Variants in FBN2 observed in about 807,000 individuals in gnomAD.
FBN2 encodes the protein fibrillin 2, also known as fibrillin-2.
A neutral mutation model predicts 355.6 loss-of-function variants in FBN2; 105 were observed. The ratio of observed to expected loss-of-function variants is 0.30; its 90% CI spans 0.25 to 0.35. The LOEUF (loss-of-function observed/expected upper bound fraction) is 0.35. Ranked by LOEUF, FBN2 falls within the 10% of genes least tolerant of loss-of-function variation. The pLI, the probability that FBN2 is intolerant of heterozygous loss-of-function variation, is 1.00. For synonymous variants in FBN2, 1,350 were observed against 1,301.2 expected (o/e 1.04, Z -0.81); for missense variants, 3,280 against 3,758.7 (o/e 0.87, Z 3.33).
chr5:128,382,623 T>C (rs1752261593), intron 11 of FBN2, among the ~76,000 whole-genome samples: 1 of 152,060 alleles, frequency 6.6e-6, no homozygotes, highest in Non-Finnish European at 1.5e-5. Flanking sequence ...CAACAACTAT[T>C]TCCTCCCAAT....
At chr5:128,303,311 G>C (rs1395084639) in intron 45 of FBN2, among the ~76,000 whole-genome samples, 1 of 152,120 alleles carries the variant, frequency 6.6e-6, no homozygotes, top group African/African-American at 2.4e-5. Flanking sequence ...AACAGGTACT[G>C]ACTGTACTCA....
chr5:128,498,758 T>G (rs1025489737), intron 5 of FBN2, among the ~76,000 whole-genome samples: 1 of 152,206 alleles, frequency 6.6e-6, no homozygotes, highest in Admixed American at 6.5e-5. Flanking sequence ...ACTTAAAAAG[T>G]GTGCAGGGTT....
At position 128,278,717 on chromosome 5, in the gene FBN2, C is replaced by G; in HGVS notation, c.7263G>C (p.Gln2421His). Residue 2421 changes from glutamine to histidine, a missense_variant, in exon 57 of 65, where the codon CAG (glutamine) becomes CAC (histidine). Physicochemically the swap from Gln to His is conservative, Grantham distance 24. Coordinates refer to ENST00000262464, the MANE Select transcript of FBN2 (RefSeq NM_001999.4). ...CCDGGRGWGH[Q>H]CELCPLPGTA... is the part of the protein sequence containing the mutation. ...TTCCAGGAAGTGGGCAAAGCTCGCA[C>G]TGGTGGCCCCAGCCTCGCCCACCAT... 2 of 1,614,172 alleles carry G rather than the reference C, an allele frequency of 1.2e-6. No individual in the cohort carries two copies. Among genetic ancestry groups the G allele is most frequent in the Non-Finnish European group, 1.7e-6 (2 of 1,180,014 alleles).
chr5:128,478,406 T>TTA (rs1755062043), intron 5 of FBN2, among the ~76,000 whole-genome samples: 1 of 152,218 alleles, frequency 6.6e-6, no homozygotes, highest in African/African-American at 2.4e-5. Context: ...AAATGTATTG[T>TTA]TATTTTTTTC....
chr5:128,534,067 A>G (rs1756783618), intron 2 of FBN2, among the ~76,000 whole-genome samples: 1 of 152,166 alleles, frequency 6.6e-6, no homozygotes, highest in South Asian at 2.1e-4. Flanking sequence ...CCTGTCAAAC[A>G]CTAAAATTCT....
At chr5:128,269,248 C>G (rs1011365453) in intron 62 of FBN2, among the ~76,000 whole-genome samples, 1 of 149,032 alleles carries the variant, frequency 6.7e-6, no homozygotes, top group Non-Finnish European at 1.5e-5. Context: ...AACCCCGTCT[C>G]TACTAAAAAT....
At chr5:128,361,307 C>A (rs865856749) in intron 19 of FBN2, among the ~76,000 whole-genome samples, 1 of 152,178 alleles carries the variant, frequency 6.6e-6, no homozygotes. Context: ...TTGGGTATAT[C>A]AATCATTTCA....
chr5:128,326,272 G>T (rs1033530447), intron 34 of FBN2, among the ~76,000 whole-genome samples: 1 of 152,138 alleles, frequency 6.6e-6, no homozygotes, highest in African/African-American at 2.4e-5. Flanking sequence ...GTATTCAGTC[G>T]CCCAAAGTTT....
Position 128,258,579 on chromosome 5 carries a change from G to T in FBN2, c.*876C>A, listed in dbSNP as rs1260073065. On this transcript the variant is annotated 3_prime_UTR_variant, in exon 65 of 65. Transcript: ENST00000262464. ...CTGCCTACAGTACCATGAGGACGCA[G>T]CGCACCCTGGGTAAGAATGAGGTGT... 1.3e-5 allele frequency: 2 copies of T among 152,606 alleles called. No individual in the cohort carries two copies. Among genetic ancestry groups the T allele is most frequent in the African/African-American group, 4.8e-5 (2 of 41,452 alleles). The allele number at this position is 152,606 out of a possible 1,614,324, so 9.5% of individuals were successfully genotyped here.
chr5:128,359,205 T>C (rs566418001), intron 19 of FBN2, among the ~76,000 whole-genome samples: 14 of 152,184 alleles, frequency 9.2e-5, no homozygotes, highest in Non-Finnish European at 1.8e-4. Flanking sequence ...CTATTTGTTA[T>C]ATATTTAAAA....
chr5:128,391,401 A>G (rs1271176912), intron 11 of FBN2, among the ~76,000 whole-genome samples: 5 of 152,200 alleles, frequency 3.3e-5, no homozygotes. Context: ...AATGTAAAAC[A>G]ACGACACTTG....
At chr5:128,514,362 G>A (rs1756221597) in intron 5 of FBN2, among the ~76,000 whole-genome samples, 1 of 152,048 alleles carries the variant, frequency 6.6e-6, no homozygotes, top group African/African-American at 2.4e-5. Flanking sequence ...GCATTAGTGA[G>A]CATTTCTGAG....
intron 34 of FBN2, among the ~76,000 whole-genome samples, chr5:128,320,030 A>G (rs1750326077): frequency 2.6e-5 from 4 of 152,198 alleles, no homozygotes; most frequent in Admixed American, 2.6e-4. Flanking sequence ...GGTTTCAACT[A>G]TTTTAGATTT....
intron 3 of FBN2, among the ~76,000 whole-genome samples, chr5:128,528,851 A>G (rs1198177675): frequency 1.3e-5 from 2 of 152,240 alleles, no homozygotes; most frequent in East Asian, 3.8e-4. Flanking sequence ...AGAGGGCGAG[A>G]GTCTGGGAGA....
At position 128,434,394 on chromosome 5, in the gene FBN2, G is replaced by GTATATATATATATATATATA. The variant is rs6149234; in HGVS notation, c.952+12067_952+12086dup. On this transcript the variant is annotated intron_variant, in intron 7 of 64. Transcript: ENST00000262464. ...CAATGCCTGGCAGTGAATAAAGTGT[G>GTATATATATATATATATATA]TATATATATATATATATATATATAT... Among the ~76,000 whole-genome samples the GTATATATATATATATATATA allele has an allele frequency of 8.1e-3, 745 of 91,416 alleles. 23 individuals carry two copies. The highest frequency in any genetic ancestry group is 9.7e-3 in the Non-Finnish European group (468 of 48,486). 60.0% of individuals were successfully genotyped at this position (91,416 alleles called of 152,430 possible).
chr5:128,338,653 T>C (rs1750910105), intron 26 of FBN2, among the ~76,000 whole-genome samples: 2 of 152,228 alleles, frequency 1.3e-5, no homozygotes. Flanking sequence ...CATTTTAAAG[T>C]AGTCCCACCT....
chr5:128,426,973 C>G (rs1421198601), intron 7 of FBN2, among the ~76,000 whole-genome samples: 1 of 152,210 alleles, frequency 6.6e-6, no homozygotes, highest in Non-Finnish European at 1.5e-5. Flanking sequence ...CCCTGACTGA[C>G]TTTATCCAGT....
At chr5:128,458,361 G>C (rs1195508361) in intron 6 of FBN2, among the ~76,000 whole-genome samples, 1 of 151,822 alleles carries the variant, frequency 6.6e-6, no homozygotes, top group African/African-American at 2.4e-5. Flanking sequence ...ATAATAGTGG[G>C]AGACTTTAAC....
Position 128,328,816 on chromosome 5 carries a change from C to T in FBN2, c.4351G>A (p.Asp1451Asn). 6.2e-7 allele frequency: 1 copy of T among 1,614,122 alleles called. No individual in the cohort carries two copies. Among genetic ancestry groups the T allele is most frequent in the Non-Finnish European group, 8.5e-7 (1 of 1,180,010 alleles). Residue 1451 changes from aspartate to asparagine, a missense_variant, in exon 34 of 65, where the codon GAT becomes AAT. Transcript: ENST00000262464. ...AGGTTTATGTTTTCTGCACACTCAT[C>T]AACATCTGTGCAAAAAAGCAAATTA... ...TGDGFTCSDV[D>N]ECAENINLCE... is the part of the protein sequence containing the mutation.
Sources: gnomAD v4.1 joint callset for allele counts (sites outside exome capture counted in the v4.1 genomes callset) on GRCh38, gnomAD v4.1.1 for gene constraint, MANE v1.5 for transcripts, NCBI Gene and HGNC (gene_info 2026-07-23, HGNC 2026-07-21) for gene names.